FUT8: variants seen among roughly 807,000 people sequenced by gnomAD.
FUT8 encodes the protein alpha-(1,6)-fucosyltransferase.
FUT8 carries 29 observed loss-of-function variants against 71.3 expected under a neutral mutation model. The ratio of observed to expected loss-of-function variants is 0.41; its 90% confidence interval spans 0.30 to 0.55. The LOEUF (loss-of-function observed/expected upper bound fraction) is 0.55, where lower values mean the gene tolerates loss of function less well. FUT8 is among the 20% of genes least tolerant of loss of function. The pLI, the probability that FUT8 is intolerant of heterozygous loss-of-function variation, is 0.34. For synonymous variants in FUT8, 254 were observed against 239.3 expected, an observed-to-expected ratio of 1.06 and a Z score of -0.57; for missense variants, 544 against 702.1, an observed-to-expected ratio of 0.77 and a Z score of 2.55.
chr14:65,597,742 C>A (rs1182789895), intron 3 of FUT8, among the ~76,000 whole-genome samples: 5 of 151,754 alleles, frequency 3.3e-5, no homozygotes, highest in African/African-American at 1.2e-4. Context: ...AAACTCTAAA[C>A]ATCTGTTATA....
At chr14:65,706,951 T>G (rs1471930828) in intron 7 of FUT8, among the ~76,000 whole-genome samples, 1 of 152,210 alleles carries the variant, frequency 6.6e-6, no homozygotes, top group East Asian at 1.9e-4. Flanking sequence ...TGCTAACTTA[T>G]GTGTGATTTT....
At chr14:65,361,065 G>A in the FUT8 span, among the ~76,000 whole-genome samples, 2 of 152,112 alleles carry the variant, frequency 1.3e-5, no homozygotes, top group East Asian at 3.9e-4. Flanking sequence ...AAACTGTAAA[G>A]AGCTCTATAA....
chr14:65,667,145 C>G (rs888678023), intron 6 of FUT8, among the ~76,000 whole-genome samples: 1 of 152,082 alleles, frequency 6.6e-6, no homozygotes, highest in African/African-American at 2.4e-5. Context: ...TGCTGTTCAA[C>G]ATAGTTCTAA....
At chr14:65,490,130 A>G (rs2066462283) in intron 2 of FUT8, among the ~76,000 whole-genome samples, 1 of 152,108 alleles carries the variant, frequency 6.6e-6, no homozygotes, top group Admixed American at 6.6e-5. Context: ...TTACAGCTGC[A>G]GATTTAGTCA....
intron 7 of FUT8, among the ~76,000 whole-genome samples, chr14:65,672,573 C>T (rs758014922): frequency 8.4e-4 from 128 of 152,324 alleles, no homozygotes; most frequent in Middle Eastern, 3.4e-3. Flanking sequence ...AGTCCTCTCA[C>T]TTCAGCCCCC....
intron 7 of FUT8, among the ~76,000 whole-genome samples, chr14:65,694,832 G>A (rs1893902962): frequency 7.1e-6 from 1 of 140,126 alleles, no homozygotes; most frequent in Non-Finnish European, 1.5e-5. Flanking sequence ...TTATAGGTGG[G>A]AATTGAACAA....
At chr14:65,432,482 C>G (rs182256494) in intron 1 of FUT8, among the ~76,000 whole-genome samples, 1 of 151,076 alleles carries the variant, frequency 6.6e-6, no homozygotes, top group East Asian at 1.9e-4. Context: ...CAGATTCATT[C>G]GCTTGTCAAA....
chr14:65,430,785 G>C (rs536358403), intron 1 of FUT8, among the ~76,000 whole-genome samples: 1 of 152,024 alleles, frequency 6.6e-6, no homozygotes, highest in African/African-American at 2.4e-5. Flanking sequence ...AAAAGTAGAC[G>C]TACAGAACAT....
intron 3 of FUT8, among the ~76,000 whole-genome samples, chr14:65,566,497 T>C (rs898848997): frequency 2.0e-5 from 3 of 151,956 alleles, no homozygotes; most frequent in African/African-American, 7.2e-5. Flanking sequence ...ATAGACCCGA[T>C]TGATAGATAA....
chr14:65,691,595 T>A (rs982206170), intron 7 of FUT8, among the ~76,000 whole-genome samples: 5 of 151,708 alleles, frequency 3.3e-5, no homozygotes, highest in Non-Finnish European at 5.9e-5. Context: ...TAGTGTATAA[T>A]TCTTTATTTA....
intron 5 of FUT8, chr14:65,617,195 A>G (rs755417540): frequency 1.3e-6 from 2 of 1,537,084 alleles, no homozygotes; most frequent in East Asian, 2.4e-5. Context: ...CATACAAGTA[A>G]GAGATTTCAT....
chr14:65,436,628 C>CAA (rs34862450), intron 1 of FUT8, among the ~76,000 whole-genome samples: 2 of 129,170 alleles, frequency 1.5e-5, no homozygotes, highest in Non-Finnish European at 1.6e-5. Context: ...GACTCCCTCT[C>CAA]AAAAAAAAAA....
intron 3 of FUT8, among the ~76,000 whole-genome samples, chr14:65,609,015 C>T (rs1220396131): frequency 2.0e-5 from 3 of 151,766 alleles, no homozygotes; most frequent in African/African-American, 7.3e-5. Context: ...ATTTTCTTGG[C>T]CAGGCGCAGT....
At chr14:65,708,846 T>C (rs551417988) in intron 7 of FUT8, among the ~76,000 whole-genome samples, 2 of 152,032 alleles carry the variant, frequency 1.3e-5, no homozygotes, top group Admixed American at 6.6e-5. Context: ...GGTCGGGGGA[T>C]GGTGTGGGAG....
chr14:65,647,334 A>ACTTTCTG (rs1218793686), intron 6 of FUT8, among the ~76,000 whole-genome samples: 1 of 152,188 alleles, frequency 6.6e-6, no homozygotes, highest in Non-Finnish European at 1.5e-5. Flanking sequence ...ATTTCTGAGC[A>ACTTTCTG]CTTTCTGTAT....
intron 2 of FUT8, among the ~76,000 whole-genome samples, chr14:65,552,969 T>G (rs544643211): frequency 4.1e-4 from 62 of 152,208 alleles, no homozygotes; most frequent in African/African-American, 1.5e-3. Flanking sequence ...GTTCTTTTTT[T>G]CCCCCAGACA....
chr14:65,379,487 G>A, the FUT8 span, among the ~76,000 whole-genome samples: 54 of 152,018 alleles, frequency 3.6e-4, no homozygotes, highest in South Asian at 1.7e-3. Flanking sequence ...CCGAGATGGC[G>A]CCACTGCACT....
chr14:65,716,340 A>G (rs1895056907), intron 7 of FUT8, among the ~76,000 whole-genome samples: 1 of 146,746 alleles, frequency 6.8e-6, no homozygotes, highest in Non-Finnish European at 1.5e-5. Context: ...TATCTTCTTG[A>G]TGAATTGATC....
At chr14:65,447,626 A>G (rs540649401) in intron 1 of FUT8, among the ~76,000 whole-genome samples, 1 of 152,056 alleles carries the variant, frequency 6.6e-6, no homozygotes, top group East Asian at 1.9e-4. Context: ...TTGAATTACT[A>G]GAATGTTTTT....
Sources: gnomAD v4.1 joint callset for allele counts (sites outside exome capture counted in the v4.1 genomes callset) on GRCh38, gnomAD v4.1.1 for gene constraint, MANE v1.5 for transcripts, NCBI Gene and HGNC (gene_info 2026-07-23, HGNC 2026-07-21) for gene names.